Variants in CDH18 observed in about 807,000 individuals in gnomAD.
CDH18 encodes the protein cadherin-18.
CDH18 carries 31 observed loss-of-function variants against 67.9 expected under a neutral mutation model. The ratio of observed to expected loss-of-function variants is 0.46; its 90% confidence interval spans 0.34 to 0.62. The LOEUF is 0.62. CDH18 is among the 20% of genes least tolerant of loss of function. The probability of loss-of-function intolerance (pLI) is 0.01; values close to 1 mark genes in which losing one functional copy is unlikely to be tolerated. For synonymous variants in CDH18, 362 were observed against 347.2 expected, an observed-to-expected ratio of 1.04 and a Z score of -0.48; for missense variants, 890 against 975.5, an observed-to-expected ratio of 0.91 and a Z score of 1.17.
chr5:19,954,376 G>A (rs994781720), intron 2 of CDH18, among the ~76,000 whole-genome samples: 5 of 151,618 alleles, frequency 3.3e-5, no homozygotes, highest in African/African-American at 1.2e-4. Flanking sequence ...AAATTTAAGT[G>A]GTAAAAAAGT....
At chr5:19,868,991 T>C (rs907637987) in intron 2 of CDH18, among the ~76,000 whole-genome samples, 1 of 152,168 alleles carries the variant, frequency 6.6e-6, no homozygotes, top group Non-Finnish European at 1.5e-5. Context: ...CAGCCACTTA[T>C]GAAATATGAC....
intron 2 of CDH18, among the ~76,000 whole-genome samples, chr5:20,037,860 G>A (rs1740029132): frequency 6.6e-6 from 1 of 151,966 alleles, no homozygotes; most frequent in East Asian, 2.0e-4. Flanking sequence ...GATCAGAGCA[G>A]AACTGAAGGA....
intron 4 of CDH18, among the ~76,000 whole-genome samples, chr5:19,741,967 G>A (rs1769268200): frequency 6.6e-6 from 1 of 152,088 alleles, no homozygotes; most frequent in African/African-American, 2.4e-5. Context: ...TGGAAAGATT[G>A]AAAAACTCGT....
intron 10 of CDH18, among the ~76,000 whole-genome samples, chr5:19,512,563 A>G (rs1205521948): frequency 6.6e-6 from 1 of 152,118 alleles, no homozygotes; most frequent in Non-Finnish European, 1.5e-5. Flanking sequence ...TAGTGTTTCA[A>G]CTTAATTTTC....
intron 6 of CDH18, among the ~76,000 whole-genome samples, chr5:19,611,871 GCTTT>G (rs1749016559): frequency 6.6e-6 from 1 of 150,674 alleles, no homozygotes; most frequent in Non-Finnish European, 1.5e-5. Context: ...ACTGAATTAT[GCTTT>G]CTGTTTTCAA....
chr5:19,514,298 A>G (rs990360427), intron 10 of CDH18, among the ~76,000 whole-genome samples: 1 of 152,232 alleles, frequency 6.6e-6, no homozygotes, highest in African/African-American at 2.4e-5. Flanking sequence ...TAGTGCTGCA[A>G]TGAACATACA....
chr5:19,509,167 C>A (rs1561228908), intron 10 of CDH18, among the ~76,000 whole-genome samples: 1 of 151,954 alleles, frequency 6.6e-6, no homozygotes, highest in Non-Finnish European at 1.5e-5. Flanking sequence ...CTGCGCCTGG[C>A]CAAGAATGTT....
chr5:20,094,500 A>G (rs1430130390), intron 2 of CDH18, among the ~76,000 whole-genome samples: 1 of 152,184 alleles, frequency 6.6e-6, no homozygotes, highest in Non-Finnish European at 1.5e-5. Context: ...TTCTGTGAAG[A>G]AAGTCAATGG....
At chr5:20,469,135 G>A (rs1019358067) in intron 1 of CDH18, among the ~76,000 whole-genome samples, 1 of 152,114 alleles carries the variant, frequency 6.6e-6, no homozygotes, top group Non-Finnish European at 1.5e-5. Context: ...AAAAAGGAAA[G>A]GCATTAAATA....
intron 10 of CDH18, among the ~76,000 whole-genome samples, chr5:19,515,676 C>T (rs551279405): frequency 3.0e-4 from 46 of 152,250 alleles, no homozygotes; most frequent in Non-Finnish European, 5.6e-4. Context: ...TATAGGAATG[C>T]TTGTCATTTT....
intron 2 of CDH18, among the ~76,000 whole-genome samples, chr5:20,168,249 A>G (rs1359599753): frequency 1.3e-5 from 2 of 152,126 alleles, no homozygotes; most frequent in African/African-American, 4.8e-5. Context: ...TTAATGATGT[A>G]TTTTGTACAT....
intron 3 of CDH18, among the ~76,000 whole-genome samples, chr5:19,823,643 C>G (rs990461434): frequency 6.6e-6 from 1 of 152,074 alleles, no homozygotes; most frequent in East Asian, 1.9e-4. Context: ...GACTTATCAC[C>G]CCACTGACAG....
intron 1 of CDH18, among the ~76,000 whole-genome samples, chr5:20,414,368 T>C (rs1747090157): frequency 6.6e-6 from 1 of 152,146 alleles, no homozygotes; most frequent in South Asian, 2.1e-4. Context: ...ACACAGAAAC[T>C]GAAAATCAAA....
chr5:19,887,507 C>CT (rs2150073677), intron 2 of CDH18, among the ~76,000 whole-genome samples: 1 of 151,902 alleles, frequency 6.6e-6, no homozygotes, highest in Non-Finnish European at 1.5e-5. Context: ...TCTCATGTGT[C>CT]TTTTTCCCCA....
At chr5:20,525,944 GGA>G (rs1267080210) in intron 1 of CDH18, among the ~76,000 whole-genome samples, 1 of 152,096 alleles carries the variant, frequency 6.6e-6, no homozygotes, top group Non-Finnish European at 1.5e-5. Context: ...AGAAAAAACA[GGA>G]GAGTGTCTTG....
At chr5:20,058,776 G>T (rs1022758558) in intron 2 of CDH18, among the ~76,000 whole-genome samples, 4 of 152,152 alleles carry the variant, frequency 2.6e-5, no homozygotes, top group African/African-American at 9.7e-5. Context: ...AACCTTATTT[G>T]TATAACTGAA....
intron 1 of CDH18, among the ~76,000 whole-genome samples, chr5:20,275,622 G>C (rs1340114913): frequency 6.6e-6 from 1 of 152,074 alleles, no homozygotes; most frequent in African/African-American, 2.4e-5. Context: ...GAATCATTAA[G>C]GGGGAGGTGG....
chr5:20,199,646 G>A (rs1739285531), intron 2 of CDH18, among the ~76,000 whole-genome samples: 1 of 152,136 alleles, frequency 6.6e-6, no homozygotes, highest in African/African-American at 2.4e-5. Flanking sequence ...TTTGAAATGT[G>A]AGGACATGAG....
chr5:19,802,986 C>T (rs1192244968), intron 3 of CDH18, among the ~76,000 whole-genome samples: 1 of 152,184 alleles, frequency 6.6e-6, no homozygotes, highest in Non-Finnish European at 1.5e-5. Context: ...TTATTTTCAC[C>T]CTTCCTCACT....
Sources: allele counts gnomAD v4.1 joint callset (sites outside exome capture counted in the v4.1 genomes callset), GRCh38; gene constraint gnomAD v4.1.1; transcripts MANE v1.5; gene names NCBI Gene and HGNC (gene_info 2026-07-23, HGNC 2026-07-21).